TM6SF1: variants seen among roughly 807,000 people sequenced by gnomAD.
TM6SF1 encodes the protein transmembrane 6 superfamily member 1.
Under a neutral mutation model 47.1 loss-of-function variants are expected in TM6SF1, and 43 were observed. The ratio of observed to expected loss-of-function variants is 0.91; its 90% CI spans 0.72 to 1.18. The LOEUF (loss-of-function observed/expected upper bound fraction) is 1.18, where lower values mean the gene tolerates loss of function less well. Ranked by LOEUF, TM6SF1 falls within the 50% of genes most tolerant of loss-of-function variation. The probability of loss-of-function intolerance (pLI) is 0.00; values close to 1 mark genes in which losing one functional copy is unlikely to be tolerated. For synonymous variants in TM6SF1, 177 were observed against 166.3 expected (o/e 1.06, Z -0.49); for missense variants, 390 against 449.0 (o/e 0.87, Z 1.19).
At chr15:83,122,955 A>C in intron 6 of TM6SF1, 77 bp downstream of exon 6, 11 of 1,531,518 alleles carry the variant, frequency 7.2e-6, no homozygotes, top group Non-Finnish European at 8.0e-6. Flanking sequence ...ACTGAATTGA[A>C]CCATGCCTCT....
At chr15:83,129,513 G>A (rs2036055596) in intron 9 of TM6SF1, 1 of 152,146 alleles carries the variant, frequency 6.6e-6, no homozygotes, top group Admixed American at 6.5e-5. Context: ...ATTTAAAGAT[G>A]AGGAGGCTGA....
chr15:83,127,515 T>G, intron 9 of TM6SF1, 38 bp downstream of exon 9: 1 of 1,609,668 alleles, frequency 6.2e-7, no homozygotes. Context: ...TTACTTGTGG[T>G]CTAGGTGTCA....
chr15:83,116,660 G>A lies in TM6SF1; in HGVS notation c.294+718G>A, dbSNP rs183956516. Among the ~76,000 whole-genome samples the A allele has an allele frequency of 3.3e-5, 5 of 152,328 alleles. No homozygotes were observed. In the East Asian group the frequency reaches 7.7e-4, roughly 23 times the overall value. ...AGGATGGGCTTGCAGGGAAGGGTCC[G>A]TGCCATGAGCTGGGGCACCAGTCAG... On this transcript the variant is annotated intron_variant, in intron 3 of 9. Transcript: ENST00000322019.
chr15:83,136,584 ATG>A lies in TM6SF1; in HGVS notation c.1026_1027del (p.Tyr342Ter). On this transcript the variant is annotated stop_gained and frameshift_variant, in exon 10 of 10. Coordinates refer to ENST00000322019, the MANE Select transcript of TM6SF1 (RefSeq NM_023003.5). LOFTEE classifies it high-confidence loss of function. ...CTTTTTTTAGCATTAAACATAGCATATGGAGTTCTTCCTCAGCTCTTGGCCTA... is the reference window on the plus strand; with the variant it reads ...CTTTTTTTAGCATTAAACATAGCATAGAGTTCTTCCTCAGCTCTTGGCCTA... 6.2e-7 allele frequency: 1 copy of A among 1,613,896 alleles called. No homozygotes were observed. Among genetic ancestry groups the A allele is most frequent in the Non-Finnish European group, 8.5e-7 (1 of 1,179,882 alleles).
intron 1 of TM6SF1, among the ~76,000 whole-genome samples, chr15:83,111,218 C>T (rs979521436): frequency 6.6e-6 from 1 of 152,082 alleles, no homozygotes; most frequent in African/African-American, 2.4e-5. Context: ...TCCATCCATC[C>T]TCCATACATT....
At chr15:83,123,482 G>C (rs1276643700) in intron 6 of TM6SF1, among the ~76,000 whole-genome samples, 5 of 152,062 alleles carry the variant, frequency 3.3e-5, no homozygotes, top group African/African-American at 1.2e-4. Flanking sequence ...TACTTTTCTA[G>C]GTATTAGATC....
At chr15:83,112,018 G>A (rs942426596) in intron 1 of TM6SF1, among the ~76,000 whole-genome samples, 1 of 152,152 alleles carries the variant, frequency 6.6e-6, no homozygotes, top group Non-Finnish European at 1.5e-5. Context: ...CCAGGATCCC[G>A]GTTTCCTGAC....
intron 9 of TM6SF1, 68 bp downstream of exon 9, chr15:83,127,545 ACTT>A: frequency 6.4e-7 from 1 of 1,572,408 alleles, no homozygotes; most frequent in Non-Finnish European, 8.7e-7. Flanking sequence ...TATATGAAAA[ACTT>A]CTCTGCTCAG....
At chr15:83,117,385 G>A (rs538907021) in intron 3 of TM6SF1, among the ~76,000 whole-genome samples, 3 of 152,230 alleles carry the variant, frequency 2.0e-5, no homozygotes, top group African/African-American at 7.2e-5. Flanking sequence ...GAGTGCAGTT[G>A]GTACCTGAAT....
chr15:83,111,849 T>A (rs1472583993), intron 1 of TM6SF1: 3 of 194,138 alleles, frequency 1.5e-5, no homozygotes, highest in Non-Finnish European at 2.8e-5. Flanking sequence ...GGCAGGGACT[T>A]CTCTTATTTA....
intron 9 of TM6SF1, chr15:83,132,231 A>C (rs1357034251): frequency 7.9e-5 from 12 of 152,262 alleles, no homozygotes; most frequent in Non-Finnish European, 8.8e-5. Context: ...TACTGGTAGA[A>C]GATTCCCAGT....
chr15:83,131,342 G>A (rs2036233403), intron 9 of TM6SF1: 2 of 151,936 alleles, frequency 1.3e-5, no homozygotes, highest in African/African-American at 4.8e-5. Flanking sequence ...AAGAAATATT[G>A]AGTAGTGGCC....
At chr15:83,119,762 G>A (rs771049400) in intron 4 of TM6SF1, 81 bp downstream of exon 4, 280 of 1,592,496 alleles carry the variant, frequency 1.8e-4, no homozygotes, top group Non-Finnish European at 2.3e-4. Flanking sequence ...ATGCATAGAG[G>A]CAAATACACA....
chr15:83,122,807 A>T lies in TM6SF1; in HGVS notation c.532A>T (p.Thr178Ser), dbSNP rs2035394651. 2.5e-6 allele frequency: 4 copies of T among 1,613,988 alleles called. No individual in the cohort carries two copies. The highest frequency in any genetic ancestry group is 1.3e-5 in the African/African-American group (1 of 75,010). The part of the protein sequence containing the change: ...CPAFFLSIPY[T>S]CLPVWAGFRI... ...TGCTTTTTTCTTAAGCATACCATAT[A>T]CTTGTCTTCCTGTCTGGGCTGGTTT... is the stretch of plus-strand genomic sequence containing the variant. Residue 178 changes from threonine to serine, a missense_variant, in exon 6 of 10, where the codon ACT (threonine) becomes TCT (serine). Coordinates refer to ENST00000322019, the MANE Select transcript of TM6SF1 (RefSeq NM_023003.5).
At chr15:83,116,049 G>A (rs948732467) in intron 3 of TM6SF1, 107 bp downstream of exon 3, 25 of 851,046 alleles carry the variant, frequency 2.9e-5, no homozygotes, top group East Asian at 1.5e-4. Context: ...GGTACGCTAC[G>A]CAGGCTTTCA....
chr15:83,127,608 G>A lies in TM6SF1; in HGVS notation c.921+131G>A, dbSNP rs1328492730. 12 of 988,548 alleles carry A rather than the reference G, an allele frequency of 1.2e-5. No individual in the cohort carries two copies. In the South Asian group the frequency reaches 1.8e-4, roughly 14 times the overall value. 61.2% of individuals were successfully genotyped at this position (988,548 alleles called of 1,614,324 possible). A position where few individuals can be genotyped will look rare whatever the true frequency, so the allele number is the denominator to read the frequency against. ...TAGACATGTCACCTTTTGTTTTGCAGTTCTTCAGAAGACATTTCTGCAAGT... is the reference window on the plus strand; with the variant it reads ...TAGACATGTCACCTTTTGTTTTGCAATTCTTCAGAAGACATTTCTGCAAGT... On this transcript the variant is annotated intron_variant, in intron 9 of 9. Transcript: ENST00000322019.
intron 1 of TM6SF1, 91 bp from the exon 2 acceptor site, chr15:83,112,706 A>G: frequency 1.1e-6 from 1 of 894,080 alleles, no homozygotes; most frequent in Middle Eastern, 2.4e-4. Flanking sequence ...ATTATGCAGC[A>G]CTAGGAGGGA....
chr15:83,130,458 T>C (rs772128336), intron 9 of TM6SF1: 8 of 152,240 alleles, frequency 5.3e-5, no homozygotes, highest in Non-Finnish European at 1.0e-4. Flanking sequence ...GCCCAGTTGA[T>C]AAGGCAGCCT....
In TM6SF1 at chr15:83,136,690, C is replaced by T. The variant is rs751414730; in HGVS notation, c.*18C>T. Reference sequence around the variant, plus strand: ...TGGAATAAAAATATTACTTCATGTTCCTCCTTTCTAAATTACTAACTTTTG... The same window carrying T: ...TGGAATAAAAATATTACTTCATGTTTCTCCTTTCTAAATTACTAACTTTTG... On this transcript the variant is annotated 3_prime_UTR_variant, in exon 10 of 10. Coordinates refer to ENST00000322019, the MANE Select transcript of TM6SF1 (RefSeq NM_023003.5). 1.3e-6 allele frequency: 2 copies of T among 1,576,788 alleles called. No individual in the cohort carries two copies. The highest frequency in any genetic ancestry group is 1.9e-5 in the Admixed American group (1 of 52,050).
Sources: allele counts gnomAD v4.1 joint callset (sites outside exome capture counted in the v4.1 genomes callset), GRCh38; gene constraint gnomAD v4.1.1; transcripts MANE v1.5; gene names NCBI Gene and HGNC (gene_info 2026-07-23, HGNC 2026-07-21).